HSPB8: variants seen among roughly 807,000 people sequenced by gnomAD.
The protein encoded by HSPB8 is heat shock protein beta-8.
Under a neutral mutation model 16.5 loss-of-function variants are expected in HSPB8, and 9 were observed. That is an observed-to-expected ratio of 0.55 (90% confidence interval 0.33 to 0.95). The LOEUF (loss-of-function observed/expected upper bound fraction) is 0.95. Ranked by LOEUF, HSPB8 falls within the 40% of genes least tolerant of loss-of-function variation. HSPB8 has a pLI of 0.03. For missense variants in HSPB8, 238 were observed against 251.2 expected, an observed-to-expected ratio of 0.95 and a Z score of 0.35; for synonymous variants, 99 against 94.8, an observed-to-expected ratio of 1.04 and a Z score of -0.26.
intron 2 of HSPB8, among the ~76,000 whole-genome samples, chr12:119,190,673 T>G (rs1954706895): frequency 6.6e-6 from 1 of 152,202 alleles, no homozygotes; most frequent in South Asian, 2.1e-4. Context: ...GATCATCTCA[T>G]TTTTGATAAA....
chr12:119,179,258 G>A lies in HSPB8; in HGVS notation c.-55G>A. On this transcript the variant is annotated 5_prime_UTR_variant, in exon 1 of 3. Coordinates refer to ENST00000281938, the MANE Select transcript of HSPB8 (RefSeq NM_014365.3). Reference sequence around the variant, plus strand: ...CACACCACCTTGTTGTGTGACCTTGGGCAGGTGGTTCTGTCTCTCTGAGCC... The same window carrying A: ...CACACCACCTTGTTGTGTGACCTTGAGCAGGTGGTTCTGTCTCTCTGAGCC... 6.3e-7 allele frequency: 1 copy of A among 1,577,944 alleles called. No homozygotes were observed. The highest frequency in any genetic ancestry group is 8.7e-7 in the Non-Finnish European group (1 of 1,151,036).
intron 1 of HSPB8, among the ~76,000 whole-genome samples, chr12:119,180,662 G>C (rs75622663): frequency 2.0e-5 from 3 of 152,180 alleles, no homozygotes; most frequent in African/African-American, 7.2e-5. Context: ...GGGGAAAAAT[G>C]AGAGAAGACA....
Position 119,190,498 on chromosome 12 carries a change from G to A in HSPB8, c.432-3201G>A, listed in dbSNP as rs555360288. ...GGACTGAATAAGGAGGAGAGGGAGA[G>A]GTCTTGGGTCTCAGCTTTCAAAGTC... On this transcript the variant is annotated intron_variant, in intron 2 of 2. Coordinates refer to ENST00000281938, the MANE Select transcript of HSPB8 (RefSeq NM_014365.3). 1.7e-4 allele frequency among the ~76,000 whole-genome samples: 26 copies of A among 152,316 alleles called. 1 individual carries two copies. Among genetic ancestry groups the A allele is most frequent in the African/African-American group, 6.0e-4 (25 of 41,580 alleles).
intron 2 of HSPB8, among the ~76,000 whole-genome samples, chr12:119,188,604 C>T (rs141804414): frequency 5.8e-4 from 89 of 152,218 alleles, no homozygotes; most frequent in East Asian, 3.9e-4. Context: ...AAGTGTGCAT[C>T]GGAGAGGAGA....
At chr12:119,183,989 C>G (rs1045378139) in intron 1 of HSPB8, among the ~76,000 whole-genome samples, 1 of 152,188 alleles carries the variant, frequency 6.6e-6, no homozygotes, top group Non-Finnish European at 1.5e-5. Context: ...TTGCTTCCTA[C>G]GGTAACCCGG....
In HSPB8 at chr12:119,193,689, T is replaced by A. The variant is rs368810689; in HGVS notation, c.432-10T>A. ...AACAATAAATGAATAAAATCGTGTG[T>A]TTCTCCTAGGCTTCCTGCAGAGGTG... On this transcript the variant is annotated splice_polypyrimidine_tract_variant and intron_variant, in intron 2 of 2. Transcript: ENST00000281938. 3.2e-4 allele frequency: 522 copies of A among 1,613,808 alleles called. 1 individual carries two copies. The highest frequency in any genetic ancestry group is 3.9e-4 in the Non-Finnish European group (455 of 1,179,778).
intron 1 of HSPB8, among the ~76,000 whole-genome samples, chr12:119,181,251 A>C (rs1384551663): frequency 6.6e-6 from 1 of 152,190 alleles, no homozygotes; most frequent in Non-Finnish European, 1.5e-5. Context: ...CACATGCCCA[A>C]GGTGGTCTGG....
intron 2 of HSPB8, among the ~76,000 whole-genome samples, chr12:119,190,980 T>G (rs1021925625): frequency 3.3e-5 from 5 of 152,224 alleles, no homozygotes; most frequent in African/African-American, 1.2e-4. Context: ...GACCTTGGAC[T>G]TGTCTATCTC....
In HSPB8 at chr12:119,179,852, G is replaced by A. The variant is rs187080015; in HGVS notation, c.367+173G>A. Among the ~76,000 whole-genome samples, 25 of 152,246 alleles carry A rather than the reference G, an allele frequency of 1.6e-4. No homozygotes were observed. In the East Asian group the frequency reaches 4.1e-3, roughly 25 times the overall value. Reference sequence around the variant, plus strand: ...TATCTTTACGGAAAACTTCTCTCCCGGCTCCCAGCAGAGATCTTAACCTGC... The same window carrying A: ...TATCTTTACGGAAAACTTCTCTCCCAGCTCCCAGCAGAGATCTTAACCTGC... On this transcript the variant is annotated intron_variant, in intron 1 of 2. Transcript: ENST00000281938.
chr12:119,179,273 C>T lies in HSPB8; in HGVS notation c.-40C>T. 2 of 1,608,656 alleles carry T rather than the reference C, an allele frequency of 1.2e-6. No homozygotes were observed. The highest frequency in any genetic ancestry group is 1.7e-6 in the Non-Finnish European group (2 of 1,177,286). ...TGTGACCTTGGGCAGGTGGTTCTGTCTCTCTGAGCCTCTGTTTCTCTCTGA... is the reference window on the plus strand; with the variant it reads ...TGTGACCTTGGGCAGGTGGTTCTGTTTCTCTGAGCCTCTGTTTCTCTCTGA... On this transcript the variant is annotated 5_prime_UTR_variant, in exon 1 of 3. Coordinates refer to ENST00000281938, the MANE Select transcript of HSPB8 (RefSeq NM_014365.3).
At chr12:119,182,510 C>T (rs1457650963) in intron 1 of HSPB8, among the ~76,000 whole-genome samples, 7 of 151,842 alleles carry the variant, frequency 4.6e-5, no homozygotes, top group Admixed American at 4.6e-4. Flanking sequence ...TGGTGGTGAG[C>T]GCCTGTAATC....
intron 2 of HSPB8, among the ~76,000 whole-genome samples, chr12:119,188,857 G>T (rs1336379604): frequency 1.3e-5 from 2 of 152,168 alleles, no homozygotes; most frequent in Non-Finnish European, 2.9e-5. Context: ...TCATAAGTGG[G>T]AGTTCATTAT....
chr12:119,180,681 A>T (rs1405502585), intron 1 of HSPB8, among the ~76,000 whole-genome samples: 1 of 152,250 alleles, frequency 6.6e-6, no homozygotes, highest in Admixed American at 6.5e-5. Flanking sequence ...CAGGAAGCTC[A>T]GCCCCTGTGA....
chr12:119,187,152 T>C, intron 2 of HSPB8, 64 bp downstream of exon 2: 1 of 1,308,798 alleles, frequency 7.6e-7, no homozygotes, highest in African/African-American at 1.5e-5. Context: ...CTGGGACCCA[T>C]GATCTGGGGT....
chr12:119,179,333 C>A lies in HSPB8; in HGVS notation c.21C>A (p.Pro7=), dbSNP rs2136079832. ...CCACCATGGCTGACGGTCAGATGCC[C>A]TTCTCCTGCCACTACCCAAGCCGCC... MADGQM[P]FSCHYPSRLR... The change falls in exon 1 of 3, where the codon CCC becomes CCA. Residue 7 remains proline, a synonymous_variant. Transcript: ENST00000281938. 6.2e-7 allele frequency: 1 copy of A among 1,613,966 alleles called. No individual in the cohort carries two copies. The highest frequency in any genetic ancestry group is 8.5e-7 in the Non-Finnish European group (1 of 1,180,026).
Position 119,179,171 on chromosome 12 carries a change from G to A in HSPB8, c.-142G>A. On this transcript the variant is annotated 5_prime_UTR_variant, in exon 1 of 3. Transcript: ENST00000281938. ...GACACAACCGTCCCTGGCAGTGGTT[G>A]GTTCTGCTTCTCCCTGCAGAAAAGC... The A allele has an allele frequency of 1.2e-6, 1 of 838,792 alleles. No individual in the cohort carries two copies. Among genetic ancestry groups the A allele is most frequent in the Non-Finnish European group, 2.0e-6 (1 of 510,070 alleles). 52.0% of individuals were successfully genotyped at this position (838,792 alleles called of 1,614,324 possible). A position where few individuals can be genotyped will look rare whatever the true frequency, so the allele number is the denominator to read the frequency against.
At chr12:119,182,497 G>A (rs986318803) in intron 1 of HSPB8, among the ~76,000 whole-genome samples, 1 of 152,074 alleles carries the variant, frequency 6.6e-6, no homozygotes, top group Non-Finnish European at 1.5e-5. Flanking sequence ...AATTAGCCGG[G>A]TGTGGTGGTG....
rs145651393 is a variant in HSPB8, at chr12:119,188,381, G to A, written c.431+1293G>A. Among the ~76,000 whole-genome samples, 909 of 151,918 alleles carry A rather than the reference G, an allele frequency of 6.0e-3. 13 individuals carry two copies. The highest frequency in any genetic ancestry group is 0.021 in the African/African-American group (871 of 41,406). The stretch of plus-strand genomic sequence containing the variant: ...CCGGCCTCAATCTCCCAAGTAGCTG[G>A]GATTACAGGTGCATGCCACCATGCC... On this transcript the variant is annotated intron_variant, in intron 2 of 2. Coordinates refer to ENST00000281938, the MANE Select transcript of HSPB8 (RefSeq NM_014365.3).
chr12:119,191,227 T>G (rs6490244), intron 2 of HSPB8, among the ~76,000 whole-genome samples: 50,887 of 151,730 alleles, frequency 0.34, 9,190 homozygotes, highest in African/African-American at 0.48. Flanking sequence ...GTTCAAAGAG[T>G]CAAGATCACC....
Sources: gnomAD v4.1 joint callset for allele counts (sites outside exome capture counted in the v4.1 genomes callset) on GRCh38, gnomAD v4.1.1 for gene constraint, MANE v1.5 for transcripts, NCBI Gene and HGNC (gene_info 2026-07-23, HGNC 2026-07-21) for gene names.